Variants in ZNF609 observed in about 807,000 individuals in gnomAD.
The protein encoded by ZNF609 is zinc finger protein 609.
A neutral mutation model predicts 109.5 loss-of-function variants in ZNF609; 11 were observed. That is an observed-to-expected ratio of 0.10 (90% CI 0.06 to 0.17). The LOEUF is 0.17. Among genes scored for constraint, ZNF609 ranks in the 10% least tolerant of loss-of-function variants. The probability of loss-of-function intolerance (pLI) is 1.00; values close to 1 mark genes in which losing one functional copy is unlikely to be tolerated. For missense variants in ZNF609, 1,559 were observed against 1,772.4 expected, an observed-to-expected ratio of 0.88 and a Z score of 2.16; for synonymous variants, 646 against 662.0, an observed-to-expected ratio of 0.98 and a Z score of 0.37.
intron 1 of ZNF609, among the ~76,000 whole-genome samples, chr15:64,496,134 G>T (rs753931650): frequency 5.9e-5 from 9 of 152,060 alleles, no homozygotes; most frequent in Non-Finnish European, 1.2e-4. Context: ...TCTTTTTAAT[G>T]CTCTCTTCCT....
At chr15:64,529,323 G>A in intron 2 of ZNF609, 1 of 721,016 alleles carries the variant, frequency 1.4e-6, no homozygotes, top group Non-Finnish European at 2.6e-6. Flanking sequence ...GACCCTTTTG[G>A]CTCCCCCCTG....
chr15:64,587,647 C>T lies in ZNF609; in HGVS notation c.748-35180C>T, dbSNP rs534608091. Among the ~76,000 whole-genome samples the T allele has an allele frequency of 2.2e-4, 33 of 152,048 alleles. No homozygotes were observed. In the East Asian group the frequency reaches 6.2e-3, roughly 28 times the overall value. Reference sequence around the variant, plus strand: ...CCTGTGGTCAGGCACAGCACTAACCCCTGGTATAGAGTGTTGAAGGAGACC... The same window carrying T: ...CCTGTGGTCAGGCACAGCACTAACCTCTGGTATAGAGTGTTGAAGGAGACC... On this transcript the variant is annotated intron_variant, in intron 2 of 9. Transcript: ENST00000326648.
rs1362922727 is a variant in ZNF609, at chr15:64,684,398, G to C, written c.*2712G>C. On this transcript the variant is annotated 3_prime_UTR_variant, in exon 10 of 10. Coordinates refer to ENST00000326648, the MANE Select transcript of ZNF609 (RefSeq NM_015042.2). ...GACATTGCTCACGGGGCTTCCCATA[G>C]AGGAGAAGCTAAAGAGGGAGGGGGC... The C allele has an allele frequency of 6.6e-6, 1 of 152,284 alleles. No individual in the cohort carries two copies. Among genetic ancestry groups the C allele is most frequent in the Non-Finnish European group, 1.5e-5 (1 of 68,110 alleles). The allele number at this position is 152,284 out of a possible 1,614,324, so 9.4% of individuals were successfully genotyped here. A position where few individuals can be genotyped will look rare whatever the true frequency, so the allele number is the denominator to read the frequency against.
At chr15:64,607,227 T>C (rs1342093190) in intron 2 of ZNF609, among the ~76,000 whole-genome samples, 2 of 152,040 alleles carry the variant, frequency 1.3e-5, no homozygotes, top group Non-Finnish European at 2.9e-5. Flanking sequence ...ACTGAATTTA[T>C]TGGTGTCATA....
chr15:64,625,948 G>T (rs369799471), intron 3 of ZNF609, among the ~76,000 whole-genome samples: 4,333 of 43,438 alleles, frequency 0.1, 96 homozygotes, highest in Middle Eastern at 0.24. Context: ...GAGAGAGAGA[G>T]AGAGAGAGAG....
At chr15:64,598,786 A>ATATATG (rs1428755914) in intron 2 of ZNF609, among the ~76,000 whole-genome samples, 1 of 102,140 alleles carries the variant, frequency 9.8e-6, no homozygotes, top group East Asian at 2.8e-4. Context: ...ATATATATAT[A>ATATATG]TCCTGTTATC....
intron 2 of ZNF609, among the ~76,000 whole-genome samples, chr15:64,599,168 G>GTTTTTTTTTTTTT (rs556122154): frequency 1.9e-4 from 9 of 46,500 alleles, no homozygotes; most frequent in Non-Finnish European, 3.0e-4. Flanking sequence ...TTTTGTGGTG[G>GTTTTTTTTTTTTT]TTTTTTTTTT....
chr15:64,525,439 A>G (rs1893956040), intron 2 of ZNF609, among the ~76,000 whole-genome samples: 1 of 152,232 alleles, frequency 6.6e-6, no homozygotes, highest in South Asian at 2.1e-4. Context: ...GTTGATCAAC[A>G]TATCTATCCT....
chr15:64,541,389 T>C (rs1486137357), intron 2 of ZNF609, among the ~76,000 whole-genome samples: 2 of 139,296 alleles, frequency 1.4e-5, no homozygotes, highest in Non-Finnish European at 3.0e-5. Context: ...ATCGCGCCAC[T>C]GCACTCCAGC....
At chr15:64,661,733 C>G (rs1896579639) in intron 3 of ZNF609, among the ~76,000 whole-genome samples, 1 of 152,160 alleles carries the variant, frequency 6.6e-6, no homozygotes, top group African/African-American at 2.4e-5. Context: ...AAAGTTGGCT[C>G]TTAATAAACA....
chr15:64,673,876 T>C, intron 4 of ZNF609, 40 bp from the exon 5 acceptor site: 7 of 1,566,456 alleles, frequency 4.5e-6, no homozygotes, highest in Non-Finnish European at 6.1e-6. Context: ...AGATGTTTTC[T>C]CTTCTTAATA....
At chr15:64,546,401 T>C (rs1218997615) in intron 2 of ZNF609, among the ~76,000 whole-genome samples, 6 of 151,688 alleles carry the variant, frequency 4.0e-5, no homozygotes, top group African/African-American at 1.2e-4. Context: ...TGCACCACCA[T>C]GCCTGGCTAA....
chr15:64,600,399 G>C (rs1479826020), intron 2 of ZNF609, among the ~76,000 whole-genome samples: 1 of 141,400 alleles, frequency 7.1e-6, no homozygotes, highest in Non-Finnish European at 1.5e-5. Context: ...GCAGTGAGCA[G>C]AGAATGCGCC....
chr15:64,661,159 A>C (rs1896569694), intron 3 of ZNF609, among the ~76,000 whole-genome samples: 1 of 151,970 alleles, frequency 6.6e-6, no homozygotes, highest in South Asian at 2.1e-4. Flanking sequence ...ACAGGGTTTC[A>C]CCATGTTGGC....
Position 64,499,962 on chromosome 15 carries a change from G to C in ZNF609, c.543G>C (p.Lys181Asn). Residue 181 changes from lysine (K) to asparagine (N), a missense_variant, in exon 2 of 10, where the codon AAG becomes AAC. Physicochemically the swap from Lys to Asn is moderately conservative, Grantham distance 94. Around this residue, in one of 4 missense-constraint regions of ZNF609, gnomAD observed 291 missense variants for 317.8 expected, o/e 0.92. Coordinates refer to ENST00000326648, the MANE Select transcript of ZNF609 (RefSeq NM_015042.2). ...RSEGVGTCSE[K>N]DPGVLQPVPL... ...AAGGAGTGGGGACTTGTTCAGAAAA[G>C]GATCCTGGGGTCCTCCAGCCAGTTC... is the stretch of plus-strand genomic sequence containing the variant. 2.5e-6 allele frequency: 4 copies of C among 1,614,102 alleles called. No homozygotes were observed. Among genetic ancestry groups the C allele is most frequent in the Non-Finnish European group, 3.4e-6 (4 of 1,179,996 alleles).
chr15:64,616,175 GT>G (rs1022544344), intron 2 of ZNF609, among the ~76,000 whole-genome samples: 1 of 151,878 alleles, frequency 6.6e-6, no homozygotes, highest in African/African-American at 2.4e-5. Flanking sequence ...TTTATTTTTT[GT>G]AAATATAGAC....
chr15:64,628,098 C>T (rs573362032), intron 3 of ZNF609, among the ~76,000 whole-genome samples: 2 of 150,920 alleles, frequency 1.3e-5, no homozygotes, highest in African/African-American at 2.4e-5. Flanking sequence ...CATAGCAAGA[C>T]CCTATCTCTA....
intron 5 of ZNF609, among the ~76,000 whole-genome samples, chr15:64,676,943 C>T (rs966395386): frequency 1.3e-5 from 2 of 151,644 alleles, no homozygotes; most frequent in African/African-American, 2.4e-5. Flanking sequence ...TTAGTAGAGA[C>T]GGGGTTTCAC....
At chr15:64,575,586 T>G (rs1226525806) in intron 2 of ZNF609, among the ~76,000 whole-genome samples, 2 of 152,234 alleles carry the variant, frequency 1.3e-5, no homozygotes, top group Non-Finnish European at 2.9e-5. Context: ...ATTTATTTTC[T>G]CTTAATACCG....
Sources: allele counts gnomAD v4.1 joint callset (sites outside exome capture counted in the v4.1 genomes callset), GRCh38; gene constraint gnomAD v4.1.1; regional missense constraint gnomAD v4.1.1; transcripts MANE v1.5; gene names NCBI Gene and HGNC (gene_info 2026-07-23, HGNC 2026-07-21).